The following RASAL2 variants were observed in gnomAD, a reference collection of about 807,000 sequenced individuals.
RASAL2 encodes ras GTPase-activating protein nGAP.
RASAL2 carries 58 observed loss-of-function variants against 128.9 expected under a neutral mutation model. That is an observed-to-expected ratio of 0.45 (90% CI 0.36 to 0.56). The LOEUF is 0.56. Among genes scored for constraint, RASAL2 ranks in the 20% least tolerant of loss-of-function variants. The pLI is 0.00. For synonymous variants in RASAL2, 561 were observed against 580.8 expected, an observed-to-expected ratio of 0.97 and a Z score of 0.49; for missense variants, 1,360 against 1,601.6, an observed-to-expected ratio of 0.85 and a Z score of 2.57.
At chr1:178,226,978 T>C (rs1663814436) in intron 1 of RASAL2, among the ~76,000 whole-genome samples, 1 of 152,098 alleles carries the variant, frequency 6.6e-6, no homozygotes, top group African/African-American at 2.4e-5. Context: ...ACCCCACAAC[T>C]GTATCCAGCT....
At chr1:178,470,748 C>T in intron 17 of RASAL2, 1 of 1,363,144 alleles carries the variant, frequency 7.3e-7, no homozygotes, top group Non-Finnish European at 9.8e-7. Flanking sequence ...CGTCCGTTCT[C>T]TAGCTGAGCA....
At chr1:178,203,052 G>A (rs538200418) in intron 1 of RASAL2, among the ~76,000 whole-genome samples, 4 of 152,266 alleles carry the variant, frequency 2.6e-5, no homozygotes, top group South Asian at 2.1e-4. Flanking sequence ...GTGACAGGTC[G>A]ATTATATTGG....
chr1:178,323,104 TC>T (rs1475743761), intron 3 of RASAL2, among the ~76,000 whole-genome samples: 1 of 151,282 alleles, frequency 6.6e-6, no homozygotes, highest in Non-Finnish European at 1.5e-5. Context: ...TAATCAGAAT[TC>T]ATTAGCATTT....
chr1:178,414,012 C>G (rs1044458689), intron 4 of RASAL2, among the ~76,000 whole-genome samples: 1 of 152,048 alleles, frequency 6.6e-6, no homozygotes, highest in Non-Finnish European at 1.5e-5. Flanking sequence ...AGAACAGACC[C>G]AGAGGAACCT....
intron 1 of RASAL2, among the ~76,000 whole-genome samples, chr1:178,273,230 T>C (rs1472221948): frequency 6.6e-6 from 1 of 152,190 alleles, no homozygotes; most frequent in Non-Finnish European, 1.5e-5. Flanking sequence ...ATTCTTACTT[T>C]GAAGAAAAGA....
At chr1:178,173,914 T>TAAAA (rs1553256261) in intron 1 of RASAL2, among the ~76,000 whole-genome samples, 8 of 150,398 alleles carry the variant, frequency 5.3e-5, no homozygotes, top group Non-Finnish European at 1.0e-4. Context: ...TTTTTTTTTT[T>TAAAA]AAAAAAGTTC....
chr1:178,401,595 G>A (rs1345717734), intron 4 of RASAL2, among the ~76,000 whole-genome samples: 3 of 152,156 alleles, frequency 2.0e-5, no homozygotes, highest in Non-Finnish European at 2.9e-5. Flanking sequence ...GCGGATGATT[G>A]TTCTGTGAAT....
intron 9 of RASAL2, among the ~76,000 whole-genome samples, chr1:178,450,208 C>G (rs1677279742): frequency 6.6e-6 from 1 of 152,046 alleles, no homozygotes; most frequent in South Asian, 2.1e-4. Context: ...TATGGTGCAC[C>G]TACTAAGAGC....
At chr1:178,175,471 T>TGA (rs1553256420) in intron 1 of RASAL2, among the ~76,000 whole-genome samples, 55 of 151,790 alleles carry the variant, frequency 3.6e-4, no homozygotes, top group African/African-American at 1.3e-3. Flanking sequence ...TGTGTGTGTG[T>TGA]GATAACTATG....
Position 178,162,386 on chromosome 1 carries a change from TTA to T in RASAL2, c.202+67700_202+67701del, listed in dbSNP as rs1438375369. Among the ~76,000 whole-genome samples, 424 of 115,106 alleles carry T rather than the reference TTA, an allele frequency of 3.7e-3. 2 individuals carry two copies. The highest frequency in any genetic ancestry group is 0.016 in the South Asian group (70 of 4,334). 75.5% of individuals were successfully genotyped at this position (115,106 alleles called of 152,430 possible). ...TATACATATAATATATATTTATATA[TTA>T]TATATATTATATATTTTATATATTA... On this transcript the variant is annotated intron_variant, in intron 1 of 17. Transcript: ENST00000367649.
chr1:178,354,931 C>A (rs1386980848), intron 3 of RASAL2, among the ~76,000 whole-genome samples: 1 of 152,152 alleles, frequency 6.6e-6, no homozygotes, highest in African/African-American at 2.4e-5. Flanking sequence ...TCTTGTGAAG[C>A]CTGGGCAACA....
intron 2 of RASAL2, among the ~76,000 whole-genome samples, chr1:178,294,902 G>GT (rs1453392479): frequency 6.6e-6 from 1 of 152,190 alleles, no homozygotes; most frequent in African/African-American, 2.4e-5. Context: ...GAAAGACTAC[G>GT]TAAGTTTTCC....
intron 1 of RASAL2, among the ~76,000 whole-genome samples, chr1:178,171,532 C>G (rs561216529): frequency 6.6e-6 from 1 of 152,062 alleles, no homozygotes; most frequent in South Asian, 2.1e-4. Flanking sequence ...CCTATTCAGA[C>G]AATATTTTAC....
rs777225079 is a variant in RASAL2 at position 178,442,671 on chromosome 1, A to G, written c.928-4A>G. On this transcript the variant is annotated splice_polypyrimidine_tract_variant and splice_region_variant and intron_variant, in intron 7 of 17. Coordinates refer to ENST00000367649, the MANE Select transcript of RASAL2 (RefSeq NM_170692.4). ...TGAAATTCAGCTTTGTTGCCTCTTT[A>G]TAGGACAATTGCAGGCGAGCTGAAA... The G allele has an allele frequency of 6.3e-6, 10 of 1,591,998 alleles. No homozygotes were observed. The African/African-American group carries it at 7.0e-5, about 11-fold the overall frequency.
At chr1:178,227,139 A>C (rs1210544014) in intron 1 of RASAL2, among the ~76,000 whole-genome samples, 1 of 152,130 alleles carries the variant, frequency 6.6e-6, no homozygotes, top group East Asian at 1.9e-4. Context: ...CCACCTCAGA[A>C]AAAATCAAAA....
Position 178,442,889 on chromosome 1 carries a change from A to G in RASAL2, c.1142A>G (p.Lys381Arg). 6.2e-7 allele frequency: 1 copy of G among 1,613,874 alleles called. No individual in the cohort carries two copies. The highest frequency in any genetic ancestry group is 8.5e-7 in the Non-Finnish European group (1 of 1,179,938). Residue 381 changes from lysine to arginine, a missense_variant, in exon 8 of 18, where the codon AAG (lysine) becomes AGG (arginine). Around this residue, in one of 3 missense-constraint regions of RASAL2, gnomAD observed 617 missense variants for 714.2 expected, o/e 0.86. Coordinates refer to ENST00000367649, the MANE Select transcript of RASAL2 (RefSeq NM_170692.4). ...CATAGTATCACAGTTCACATTTACA[A>G]GGATGTGGAAAAAAAGAAAAAAAAG... ...PLHSITVHIYKDVEKKKKKDK... is the reference protein window; with the variant it reads ...PLHSITVHIYRDVEKKKKKDK...
intron 1 of RASAL2, among the ~76,000 whole-genome samples, chr1:178,184,391 GTT>G (rs34012316): frequency 2.3e-4 from 34 of 148,504 alleles, no homozygotes; most frequent in Non-Finnish European, 3.9e-4. Context: ...AATTTTTCCT[GTT>G]TTTTTTTTTA....
intron 1 of RASAL2, among the ~76,000 whole-genome samples, chr1:178,186,043 T>G (rs957278113): frequency 6.6e-6 from 1 of 152,116 alleles, no homozygotes; most frequent in African/African-American, 2.4e-5. Context: ...AGTTTATTAT[T>G]TATTCAATAT....
At chr1:178,124,192 G>A (rs926780425) in intron 1 of RASAL2, among the ~76,000 whole-genome samples, 4 of 152,168 alleles carry the variant, frequency 2.6e-5, no homozygotes, top group African/African-American at 7.2e-5. Context: ...ATTTTATGTA[G>A]AGAGGATAGG....
Sources: allele counts gnomAD v4.1 joint callset (sites outside exome capture counted in the v4.1 genomes callset), GRCh38; gene constraint gnomAD v4.1.1; regional missense constraint gnomAD v4.1.1; transcripts MANE v1.5; gene names NCBI Gene and HGNC (gene_info 2026-07-23, HGNC 2026-07-21).